The following BRICD5 variants were observed in gnomAD, a reference collection of about 807,000 sequenced individuals.
BRICD5 encodes BRICHOS domain containing 5, also known as BRICHOS domain-containing protein 5.
Under a neutral mutation model 28.4 loss-of-function variants are expected in BRICD5, and 51 were observed. The ratio of observed to expected loss-of-function variants is 1.80; its 90% CI spans 1.43 to 2.27. The LOEUF (loss-of-function observed/expected upper bound fraction) is 2.27. BRICD5 is among the 30% of genes most tolerant of loss of function. The probability of loss-of-function intolerance (pLI) is 0.00; values close to 1 mark genes in which losing one functional copy is unlikely to be tolerated. For synonymous variants in BRICD5, 177 were observed against 130.2 expected, an observed-to-expected ratio of 1.36 and a Z score of -2.44; for missense variants, 456 against 309.6, an observed-to-expected ratio of 1.47 and a Z score of -3.55.
At chr16:2,209,894 C>T (rs567663237) in intron 4 of BRICD5, 56 bp downstream of exon 4, 119 of 1,453,574 alleles carry the variant, frequency 8.2e-5, no homozygotes, top group Non-Finnish European at 1.0e-4. Flanking sequence ...CTGGGCTGCA[C>T]ACAGGACCCT....
In BRICD5 at chr16:2,209,396, C is replaced by G. The variant is rs1305179794; in HGVS notation, c.653G>C (p.Cys218Ser). ...CIDICFPSNI[C>S]VSVCFYYLPD is the part of the protein sequence containing the mutation. Reference sequence around the variant, plus strand: ...GAGGTAATAAAAGCAGACCGACACGCAGATGTTGCTCGGGAAGCAGATGTC... The same window carrying G: ...GAGGTAATAAAAGCAGACCGACACGGAGATGTTGCTCGGGAAGCAGATGTC... Residue 218 changes from cysteine to serine, a missense_variant, in exon 6 of 6, where the codon TGC (cysteine) becomes TCC (serine). By Grantham distance (112) the Cys-to-Ser change is moderately radical. Coordinates refer to ENST00000328540, the MANE Select transcript of BRICD5 (RefSeq NM_182563.4). 6.2e-7 allele frequency: 1 copy of G among 1,613,810 alleles called. No homozygotes were observed. The highest frequency in any genetic ancestry group is 8.5e-7 in the Non-Finnish European group (1 of 1,179,966).
rs779427792 is a variant in BRICD5 at position 2,210,502 on chromosome 16, G to C, written c.180+20C>G. The C allele has an allele frequency of 6.3e-7, 1 of 1,591,392 alleles. No individual in the cohort carries two copies. Among genetic ancestry groups the C allele is most frequent in the East Asian group, 2.2e-5 (1 of 44,620 alleles). ...CTCCCTTTCCACTGTCCATGTCCCT[G>C]GTGCTGAGGAGGGGCTCACCTTGGG... is the stretch of plus-strand genomic sequence containing the variant. On this transcript the variant is annotated intron_variant, in intron 2 of 5. Transcript: ENST00000328540.
At chr16:2,210,746 C>T (rs1459565418) in intron 1 of BRICD5, 37 bp downstream of exon 1, 2 of 1,608,958 alleles carry the variant, frequency 1.2e-6, no homozygotes, top group Admixed American at 1.7e-5. Context: ...GGGGCACCCC[C>T]TGGGTCCTTG....
At chr16:2,209,792 G>T in intron 4 of BRICD5, 86 bp from the exon 5 acceptor site, 2 of 1,440,654 alleles carry the variant, frequency 1.4e-6, no homozygotes, top group Non-Finnish European at 9.4e-7. Context: ...AACCCCCAGT[G>T]ATGTCCCCAC....
At position 2,210,573 on chromosome 16, in the gene BRICD5, A is replaced by C. The variant is rs780384094; in HGVS notation, c.129T>G (p.Ala43=). 8 of 1,612,500 alleles carry C rather than the reference A, an allele frequency of 5.0e-6. No individual in the cohort carries two copies. The highest frequency in any genetic ancestry group is 6.8e-6 in the Non-Finnish European group (8 of 1,179,612). ...GAAGCCCTCCAGCCACAACCCCCAC[A>C]GCGGCCAGCACCAGCAGCAGCAGCA... The part of the protein sequence containing the change: ...LLLLLLLVLA[A]VGVVAGGLLG... Residue 43 remains alanine, a synonymous_variant, in exon 2 of 6, where the codon GCT becomes GCG. Transcript: ENST00000328540.
chr16:2,209,388 C>G lies in BRICD5; in HGVS notation c.661G>C (p.Val221Leu). The G allele has an allele frequency of 6.2e-7, 1 of 1,613,650 alleles. No individual in the cohort carries two copies. The change falls in exon 6 of 6, where the codon GTC (valine) becomes CTC (leucine). Residue 221 changes from valine to leucine, a missense_variant. Coordinates refer to ENST00000328540, the MANE Select transcript of BRICD5 (RefSeq NM_182563.4). ...CAGTCTGGGAGGTAATAAAAGCAGA[C>G]CGACACGCAGATGTTGCTCGGGAAG... is the stretch of plus-strand genomic sequence containing the variant. ...ICFPSNICVS[V>L]CFYYLPD
In BRICD5 at chr16:2,210,200, G is replaced by C; in HGVS notation, c.262C>G (p.Arg88Gly). The C allele has an allele frequency of 6.3e-7, 1 of 1,594,520 alleles. No individual in the cohort carries two copies. Among genetic ancestry groups the C allele is most frequent in the African/African-American group, 1.3e-5 (1 of 74,862 alleles). ...PNQTILVDVARNAATITVTPP... is the reference protein window; with the variant it reads ...PNQTILVDVAGNAATITVTPP... ...GTCACTGTGATGGTCGCCGCGTTCC[G>C]GGCCACGTCCACCAGGATGGTTTGG... Residue 88 changes from arginine (R) to glycine (G), a missense_variant, in exon 3 of 6, where the codon CGG becomes GGG. By Grantham distance (125) the Arg-to-Gly change is moderately radical (BLOSUM62 -2). Transcript: ENST00000328540.
In BRICD5 at chr16:2,209,681, TG is replaced by T. The variant is rs2093363828; in HGVS notation, c.463del (p.Gln155ArgfsTer32). ...CAGCTCCTGGGTGTGGTGGGTGTCCTGGCTGGGGACCCAAGCCTCTTGGACC... is the reference window on the plus strand; with the variant it reads ...CAGCTCCTGGGTGTGGTGGGTGTCCTGCTGGGGACCCAAGCCTCTTGGACC... ...SKVQEAWVPS[Q>X]DTHHTQELLA... On this transcript the variant is annotated frameshift_variant, in exon 5 of 6. Transcript: ENST00000328540. LOFTEE classifies it high-confidence loss of function. 1 of 1,612,482 alleles carries T rather than the reference TG, an allele frequency of 6.2e-7. No homozygotes were observed. The highest frequency in any genetic ancestry group is 1.7e-5 in the Admixed American group (1 of 59,920).
In BRICD5 at chr16:2,210,791, G is replaced by A. The variant is rs760998117; in HGVS notation, c.43C>T (p.Pro15Ser). The change falls in exon 1 of 6, where the codon CCT becomes TCT. Residue 15 changes from proline to serine, a missense_variant. Pro to Ser is a moderately conservative substitution (Grantham distance 74, BLOSUM62 -1). Coordinates refer to ENST00000328540, the MANE Select transcript of BRICD5 (RefSeq NM_182563.4). ...TAACGGGAGGCACTCACCCCTGTAG[G>A]CCCAGGTTTGGGGCGCTCAGCACAG... ...SCCAERPKPG[P>S]TGVKTKPSCG... 3 of 1,606,108 alleles carry A rather than the reference G, an allele frequency of 1.9e-6. No individual in the cohort carries two copies. The highest frequency in any genetic ancestry group is 1.7e-5 in the Admixed American group (1 of 60,016).
Position 2,210,573 on chromosome 16 carries a change from A to G in BRICD5, c.129T>C (p.Ala43=). 6.2e-7 allele frequency: 1 copy of G among 1,612,500 alleles called. No individual in the cohort carries two copies. The highest frequency in any genetic ancestry group is 8.5e-7 in the Non-Finnish European group (1 of 1,179,612). The part of the protein sequence containing the change: ...LLLLLLLVLA[A]VGVVAGGLLG... Reference sequence around the variant, plus strand: ...GAAGCCCTCCAGCCACAACCCCCACAGCGGCCAGCACCAGCAGCAGCAGCA... The same window carrying G: ...GAAGCCCTCCAGCCACAACCCCCACGGCGGCCAGCACCAGCAGCAGCAGCA... The change falls in exon 2 of 6, where the codon GCT becomes GCC. Residue 43 remains alanine (A), a synonymous_variant. Coordinates refer to ENST00000328540, the MANE Select transcript of BRICD5 (RefSeq NM_182563.4).
chr16:2,210,181 G>C lies in BRICD5; in HGVS notation c.281C>G (p.Thr94Arg). 1 of 1,605,846 alleles carries C rather than the reference G, an allele frequency of 6.2e-7. No individual in the cohort carries two copies. The highest frequency in any genetic ancestry group is 8.5e-7 in the Non-Finnish European group (1 of 1,177,506). ...VDVARNAATI[T>R]VTPPQSNHSW... ...GTGGTTGCTCTGAGGTGGGGTCACTGTGATGGTCGCCGCGTTCCGGGCCAC... is the reference window on the plus strand; with the variant it reads ...GTGGTTGCTCTGAGGTGGGGTCACTCTGATGGTCGCCGCGTTCCGGGCCAC... The change falls in exon 3 of 6, where the codon ACA becomes AGA. Residue 94 changes from threonine to arginine, a missense_variant. Thr to Arg is a moderately conservative substitution (Grantham distance 71, BLOSUM62 -1). Coordinates refer to ENST00000328540, the MANE Select transcript of BRICD5 (RefSeq NM_182563.4).
Position 2,209,974 on chromosome 16 carries a change from C to T in BRICD5, c.414G>A (p.Leu138=). 1 of 1,535,958 alleles carries T rather than the reference C, an allele frequency of 6.5e-7. No homozygotes were observed. The highest frequency in any genetic ancestry group is 8.8e-7 in the Non-Finnish European group (1 of 1,138,544). ...RLMEDSDRET[L]RLLVDTSKVQ... ...CCTTGGAGGTATCCACCAGCAGCCG[C>T]AGGGTCTCCCGATCACTGTCCTCCA... The change falls in exon 4 of 6, where the codon CTG becomes CTA. Residue 138 remains leucine (L), a synonymous_variant. Transcript: ENST00000328540.
Position 2,210,039 on chromosome 16 carries a change from A to G in BRICD5, c.349T>C (p.Tyr117His), listed in dbSNP as rs756523634. 6.3e-7 allele frequency: 1 copy of G among 1,594,330 alleles called. No individual in the cohort carries two copies. Among genetic ancestry groups the G allele is most frequent in the Non-Finnish European group, 8.6e-7 (1 of 1,168,126 alleles). Residue 117 changes from tyrosine (Y) to histidine (H), a missense_variant, in exon 4 of 6, where the codon TAC becomes CAC. Transcript: ENST00000328540. ...LFDGQSGCIC[Y>H]RPEEHQVCFL... The stretch of plus-strand genomic sequence containing the variant: ...CAGACCTGGTGCTCCTCAGGGCGGT[A>G]ACAGATGCAGCCCTGGGGAGGCAGG...
intron 2 of BRICD5, 108 bp downstream of exon 2, chr16:2,210,414 G>A (rs891484105): frequency 4.0e-5 from 62 of 1,534,420 alleles, no homozygotes; most frequent in Middle Eastern, 1.8e-4. Flanking sequence ...CTGCTCCTAG[G>A]TGGTGTCACT....
Position 2,209,349 on chromosome 16 carries a change from C to T in BRICD5, c.*13G>A. 1 of 1,606,150 alleles carries T rather than the reference C, an allele frequency of 6.2e-7. No individual in the cohort carries two copies. On this transcript the variant is annotated 3_prime_UTR_variant, in exon 6 of 6. Coordinates refer to ENST00000328540, the MANE Select transcript of BRICD5 (RefSeq NM_182563.4). ...TGGATTGGGGACGGGCCAGGCTGGG[C>T]CAGGTCGGGGGCTCAGTCTGGGAGG...
Position 2,209,835 on chromosome 16 carries a change from C to T in BRICD5, c.438+115G>A, listed in dbSNP as rs147877739. 5,237 of 1,382,596 alleles carry T rather than the reference C, an allele frequency of 3.8e-3. 20 individuals are homozygous for T. The highest frequency in any genetic ancestry group is 4.6e-3 in the Non-Finnish European group (4,739 of 1,022,246). 85.6% of individuals were successfully genotyped at this position (1,382,596 alleles called of 1,614,324 possible). ...TCTTGTCAGCAGCCTGGGCTTAGGG[C>T]GGAGAGAGCTTCCTGTTCCCTGAAA... On this transcript the variant is annotated intron_variant, in intron 4 of 5. Coordinates refer to ENST00000328540, the MANE Select transcript of BRICD5 (RefSeq NM_182563.4).
chr16:2,210,536 G>A lies in BRICD5; in HGVS notation c.166C>T (p.Gln56Ter). ...GAGGGGCTCACCTTGGGAGGGCCCT[G>A]AGCAGAGCCAAGAAGCCCTCCAGCC... is the stretch of plus-strand genomic sequence containing the variant. ...VVAGGLLGSA[Q>*]GPPKPRLQTL... The change falls in exon 2 of 6, where the codon CAG becomes TAG. Residue 56 changes from glutamine (Q) to a stop codon, truncating the protein, a stop_gained. Coordinates refer to ENST00000328540, the MANE Select transcript of BRICD5 (RefSeq NM_182563.4). LOFTEE classifies it high-confidence loss of function. 1 of 1,611,302 alleles carries A rather than the reference G, an allele frequency of 6.2e-7. No homozygotes were observed. The highest frequency in any genetic ancestry group is 8.5e-7 in the Non-Finnish European group (1 of 1,179,002).
chr16:2,210,842 C>A lies in BRICD5; in HGVS notation c.-9G>T. 3 of 1,601,282 alleles carry A rather than the reference C, an allele frequency of 1.9e-6. No individual in the cohort carries two copies. The highest frequency in any genetic ancestry group is 2.7e-5 in the African/African-American group (2 of 75,032). ...CAGCTTGCTGGTTCCATCCTGCAGC[C>A]CCTGCTCACAATGTGCCGATTGTCT... On this transcript the variant is annotated 5_prime_UTR_variant, in exon 1 of 6. Transcript: ENST00000328540.
chr16:2,209,515 C>T (rs919632315), intron 5 of BRICD5, 38 bp downstream of exon 5: 36 of 1,612,568 alleles, frequency 2.2e-5, no homozygotes, highest in South Asian at 8.8e-5. Flanking sequence ...CAAACCATCC[C>T]GAGGGCCTGG....
Sources: gnomAD v4.1 joint callset for allele counts on GRCh38, gnomAD v4.1.1 for gene constraint, MANE v1.5 for transcripts, NCBI Gene and HGNC (gene_info 2026-07-23, HGNC 2026-07-21) for gene names.